The following COL16A1 variants were observed in gnomAD, a reference collection of about 807,000 sequenced individuals.
COL16A1 encodes the protein collagen alpha-1(XVI) chain.
COL16A1 carries 189 observed loss-of-function variants against 266.3 expected under a neutral mutation model. The ratio of observed to expected loss-of-function variants is 0.71; its 90% CI spans 0.63 to 0.80. The LOEUF (loss-of-function observed/expected upper bound fraction) is 0.80, where lower values mean the gene tolerates loss of function less well. Among genes scored for constraint, COL16A1 ranks in the 30% least tolerant of loss-of-function variants. The pLI is 0.00. For synonymous variants in COL16A1, 740 were observed against 782.3 expected, an observed-to-expected ratio of 0.95 and a Z score of 0.90; for missense variants, 1,928 against 2,122.4, an observed-to-expected ratio of 0.91 and a Z score of 1.80.
intron 11 of COL16A1, among the ~76,000 whole-genome samples, chr1:31,694,385 C>G (rs554823404): frequency 6.6e-6 from 1 of 152,372 alleles, no homozygotes; most frequent in African/African-American, 2.4e-5. Context: ...CTCCTCTAAA[C>G]TGCCTGGCTT....
intron 52 of COL16A1, among the ~76,000 whole-genome samples, chr1:31,667,289 CTG>C (rs1248477422): frequency 6.6e-6 from 1 of 152,194 alleles, no homozygotes; most frequent in East Asian, 1.9e-4. Flanking sequence ...GAGGGTGGCT[CTG>C]GGGAGCTGGG....
chr1:31,688,989 A>G lies in COL16A1; in HGVS notation c.1657-18T>C. ...GGCTCCCCCTGGGGAAAGAAGAGGA[A>G]GGATCAGAAATGCTTCCAGGTAGGC... On this transcript the variant is annotated intron_variant, in intron 24 of 70. Coordinates refer to ENST00000373672, the MANE Select transcript of COL16A1 (RefSeq NM_001856.4). The surrounding 1 kb of genome is among the most constrained non-coding windows in gnomAD (Gnocchi z 4.9). 2 of 1,614,068 alleles carry G rather than the reference A, an allele frequency of 1.2e-6. No individual in the cohort carries two copies. Among genetic ancestry groups the G allele is most frequent in the Non-Finnish European group, 1.7e-6 (2 of 1,179,968 alleles).
chr1:31,672,523 T>C (rs1168689764), intron 46 of COL16A1, 21 bp from the exon 47 acceptor site: 1 of 1,613,822 alleles, frequency 6.2e-7, no homozygotes. Context: ...ATGGAGACGG[T>C]GATAGTGAGC....
At chr1:31,703,506 T>C (rs928353852) in intron 1 of COL16A1, among the ~76,000 whole-genome samples, 3 of 152,002 alleles carry the variant, frequency 2.0e-5, no homozygotes, top group African/African-American at 7.2e-5. Context: ...TGTGGCGCCA[T>C]GTGGGTGCAT....
Position 31,656,239 on chromosome 1 carries a change from T to G in COL16A1, c.4101+161A>C. Reference sequence around the variant, plus strand: ...CCCCCAACCACAGCTAATGACCCCATGTGAGAAATTTTCAGACACTATCCT... The same window carrying G: ...CCCCCAACCACAGCTAATGACCCCAGGTGAGAAATTTTCAGACACTATCCT... On this transcript the variant is annotated intron_variant, in intron 66 of 70. Coordinates refer to ENST00000373672, the MANE Select transcript of COL16A1 (RefSeq NM_001856.4). The surrounding 1 kb of genome is among the most constrained non-coding windows in gnomAD (Gnocchi z 4.2). 1 of 1,151,026 alleles carries G rather than the reference T, an allele frequency of 8.7e-7. No individual in the cohort carries two copies. Among genetic ancestry groups the G allele is most frequent in the Non-Finnish European group, 1.2e-6 (1 of 813,454 alleles). 71.3% of individuals were successfully genotyped at this position (1,151,026 alleles called of 1,614,324 possible). A position where few individuals can be genotyped will look rare whatever the true frequency, so the allele number is the denominator to read the frequency against.
intron 64 of COL16A1, 73 bp downstream of exon 64, chr1:31,658,415 G>A: frequency 7.9e-7 from 1 of 1,260,198 alleles, no homozygotes; most frequent in Non-Finnish European, 1.1e-6. Context: ...CAGATATGTT[G>A]TGCTGTGCTC....
In COL16A1 at chr1:31,658,596, G is replaced by C. The variant is rs780825286; in HGVS notation, c.3931-19C>G. On this transcript the variant is annotated intron_variant, in intron 63 of 70. Coordinates refer to ENST00000373672, the MANE Select transcript of COL16A1 (RefSeq NM_001856.4). ...TCAGACCCTAGAGAATAGGAAGGGG[G>C]ACAGTGAGAGGGGAGGAAAGCAGGC... 2.5e-6 allele frequency: 4 copies of C among 1,585,626 alleles called. No individual in the cohort carries two copies. The Admixed American group carries it at 7.2e-5, about 29-fold the overall frequency.
intron 49 of COL16A1, among the ~76,000 whole-genome samples, chr1:31,669,433 C>T (rs949208960): frequency 2.0e-5 from 3 of 152,102 alleles, no homozygotes; most frequent in Admixed American, 6.5e-5. Flanking sequence ...TCACTTTCCA[C>T]GAGAGCTACA....
At chr1:31,675,736 T>C (rs1266662663) in intron 42 of COL16A1, among the ~76,000 whole-genome samples, 1 of 152,110 alleles carries the variant, frequency 6.6e-6, no homozygotes, top group Non-Finnish European at 1.5e-5. Context: ...TAATTATAGC[T>C]CACTGTAGCC....
Position 31,662,323 on chromosome 1 carries a change from C to CCCAAAAA in COL16A1, c.3681+10_3681+11insTTTTTGG. 6.2e-7 allele frequency: 1 copy of CCCAAAAA among 1,609,334 alleles called. No homozygotes were observed. On this transcript the variant is annotated intron_variant, in intron 58 of 70. Transcript: ENST00000373672. ...GGAAGGGGTGCCCGCCCTCCCAGCC[C>CCCAAAAA]ATCATCTCACCCTCAAGCCAGGCTT... is the stretch of plus-strand genomic sequence containing the variant.
intron 2 of COL16A1, among the ~76,000 whole-genome samples, chr1:31,701,912 G>A (rs926206232): frequency 1.3e-5 from 2 of 151,982 alleles, no homozygotes; most frequent in Non-Finnish European, 2.9e-5. Context: ...AGACATAAAC[G>A]TACGAAGACA....
At chr1:31,695,037 A>G (rs1570580873) in intron 11 of COL16A1, 149 bp downstream of exon 11, 1 of 799,198 alleles carries the variant, frequency 1.3e-6, no homozygotes, top group East Asian at 2.7e-5. Context: ...AGTGGGGGTT[A>G]AGCCCGGCTC....
At position 31,696,138 on chromosome 1, in the gene COL16A1, C is replaced by T; in HGVS notation, c.868G>A (p.Asp290Asn). The part of the protein sequence containing the change: ...CLEEPQNSEV[D>N]AQLTGRISQK... ...CTGATTCTTCCCGTCAGCTGGGCAT[C>T]CACCTGGGCAGACAGAGCAAAGAGA... The change falls in exon 9 of 71, where the codon GAT becomes AAT. Residue 290 changes from aspartate (D) to asparagine (N), a missense_variant. Asp to Asn is a conservative substitution (Grantham distance 23). Transcript: ENST00000373672. The T allele has an allele frequency of 6.2e-7, 1 of 1,613,140 alleles. No homozygotes were observed. The highest frequency in any genetic ancestry group is 8.5e-7 in the Non-Finnish European group (1 of 1,179,616).
intron 39 of COL16A1, 141 bp from the exon 40 acceptor site, chr1:31,680,242 G>A: frequency 2.4e-6 from 3 of 1,274,152 alleles, no homozygotes; most frequent in Admixed American, 2.6e-5. Flanking sequence ...GTGCCCTTAG[G>A]CAACCTGTTC....
At chr1:31,692,932 C>T in intron 13 of COL16A1, 124 bp from the exon 14 acceptor site, 2 of 1,042,820 alleles carry the variant, frequency 1.9e-6, no homozygotes, top group South Asian at 1.4e-5. Context: ...GGGGCTTCTA[C>T]ACCCAAACCC....
intron 16 of COL16A1, 34 bp from the exon 17 acceptor site, chr1:31,692,101 G>A (rs750142020): frequency 3.1e-6 from 5 of 1,613,094 alleles, no homozygotes. Flanking sequence ...ACCAGGATGA[G>A]GGAAGGGCCT....
chr1:31,683,762 A>G lies in COL16A1; in HGVS notation c.2338-14T>C. On this transcript the variant is annotated splice_polypyrimidine_tract_variant and intron_variant, in intron 33 of 70. Transcript: ENST00000373672. ...CCCTGGCTCTCCCTGAAGAGGCAGAAGGACAGTCCCTGGCTCGAGGTTCCC... is the reference window on the plus strand; with the variant it reads ...CCCTGGCTCTCCCTGAAGAGGCAGAGGGACAGTCCCTGGCTCGAGGTTCCC... 6.2e-7 allele frequency: 1 copy of G among 1,614,068 alleles called. No homozygotes were observed. The highest frequency in any genetic ancestry group is 2.2e-5 in the East Asian group (1 of 44,872).
chr1:31,697,877 C>T lies in COL16A1; in HGVS notation c.657+29G>A, dbSNP rs549332945. 6 of 1,564,720 alleles carry T rather than the reference C, an allele frequency of 3.8e-6. No homozygotes were observed. In the Admixed American group the frequency reaches 7.4e-5, roughly 19 times the overall value. On this transcript the variant is annotated intron_variant, in intron 6 of 70. Transcript: ENST00000373672. The surrounding 1 kb of genome is among the most constrained non-coding windows in gnomAD (Gnocchi z 4.2). ...CACTCAGGTTCCCAGAAGGCAGGAA[C>T]AGAGGTCAGGGCCTGACCTAGCACT...
At chr1:31,655,044 C>T (rs369810174) in intron 67 of COL16A1, among the ~76,000 whole-genome samples, 186 bp from the exon 68 acceptor site, 3 of 139,870 alleles carry the variant, frequency 2.1e-5, no homozygotes, top group South Asian at 2.3e-4. Flanking sequence ...AGTGCAGTGG[C>T]GCGATCTTGG....
Sources: allele counts gnomAD v4.1 joint callset (sites outside exome capture counted in the v4.1 genomes callset), GRCh38; gene constraint gnomAD v4.1.1; non-coding constraint Gnocchi (gnomAD v3.1); transcripts MANE v1.5; gene names NCBI Gene and HGNC (gene_info 2026-07-23, HGNC 2026-07-21).